The following BMPR1B variants were observed in gnomAD, a reference collection of about 807,000 sequenced individuals.
The protein encoded by BMPR1B is bone morphogenetic protein receptor type-1B.
BMPR1B carries 12 observed loss-of-function variants against 59.1 expected under a neutral mutation model. The ratio of observed to expected loss-of-function variants is 0.20; its 90% CI spans 0.13 to 0.33. The LOEUF (loss-of-function observed/expected upper bound fraction) is 0.33. Ranked by LOEUF, BMPR1B falls within the 10% of genes least tolerant of loss-of-function variation. BMPR1B has a pLI of 1.00. For synonymous variants in BMPR1B, 237 were observed against 207.3 expected (o/e 1.14, Z -1.23); for missense variants, 550 against 610.9 (o/e 0.90, Z 1.05).
In BMPR1B at chr4:95,130,689, A is replaced by G. The variant is rs1018170387; in HGVS notation, c.779-526A>G. Among the ~76,000 whole-genome samples, 9 of 125,318 alleles carry G rather than the reference A, an allele frequency of 7.2e-5. No individual in the cohort carries two copies. The East Asian group carries it at 1.2e-3, about 16-fold the overall frequency. The allele number at this position is 125,318 out of a possible 152,430, so 82.2% of individuals were successfully genotyped here. ...AGATGTAAACTCTTAATCTTTCTCT[A>G]CTCCTACAGGTTTTTTTCTTTTTCT... On this transcript the variant is annotated intron_variant, in intron 9 of 12. Coordinates refer to ENST00000515059, the MANE Select transcript of BMPR1B (RefSeq NM_001203.3).
chr4:95,130,515 A>G (rs1733250097), intron 9 of BMPR1B, among the ~76,000 whole-genome samples: 1 of 152,076 alleles, frequency 6.6e-6, no homozygotes. Context: ...TCAGTGGGGT[A>G]TATTCCTTAA....
intron 2 of BMPR1B, among the ~76,000 whole-genome samples, chr4:94,882,371 T>C (rs1480138272): frequency 6.6e-6 from 1 of 152,176 alleles, no homozygotes; most frequent in East Asian, 1.9e-4. Context: ...AACAAGAAAC[T>C]TTTTCTCTTC....
chr4:95,031,997 T>A (rs1724894988), intron 3 of BMPR1B, among the ~76,000 whole-genome samples: 1 of 152,150 alleles, frequency 6.6e-6, no homozygotes, highest in Non-Finnish European at 1.5e-5. Context: ...TAGTATTCAG[T>A]ATATTCACAT....
intron 3 of BMPR1B, among the ~76,000 whole-genome samples, chr4:95,083,766 A>C (rs1034626242): frequency 2.6e-5 from 4 of 152,226 alleles, no homozygotes; most frequent in African/African-American, 9.6e-5. Flanking sequence ...ACCACTCCAT[A>C]ATGCTTATCT....
intron 2 of BMPR1B, among the ~76,000 whole-genome samples, chr4:94,908,093 A>AAAAAAAAAAAAAAAAAAAG (rs1553917473): frequency 2.5e-5 from 3 of 118,712 alleles, no homozygotes; most frequent in African/African-American, 8.7e-5. Context: ...AAAAAAAAGA[A>AAAAAAAAAAAAAAAAAAAG]AAAACAAAAA....
intron 2 of BMPR1B, among the ~76,000 whole-genome samples, chr4:94,937,775 G>C (rs1257505810): frequency 6.8e-6 from 1 of 146,628 alleles, no homozygotes; most frequent in African/African-American, 2.7e-5. Flanking sequence ...GGAGAGGGAA[G>C]GGCAATTCTT....
chr4:94,927,835 A>T (rs1038251255), intron 2 of BMPR1B, among the ~76,000 whole-genome samples: 3 of 152,118 alleles, frequency 2.0e-5, no homozygotes, highest in Non-Finnish European at 4.4e-5. Context: ...ACAGATAGAG[A>T]TAGTAAAGGG....
chr4:94,953,583 C>T (rs969328562), intron 2 of BMPR1B, among the ~76,000 whole-genome samples: 1 of 151,524 alleles, frequency 6.6e-6, no homozygotes, highest in Non-Finnish European at 1.5e-5. Flanking sequence ...GAATATTGGC[C>T]CCCACTCTCT....
intron 1 of BMPR1B, among the ~76,000 whole-genome samples, chr4:94,779,647 A>G (rs901273036): frequency 6.6e-5 from 10 of 152,178 alleles, no homozygotes; most frequent in Non-Finnish European, 1.0e-4. Context: ...CCTGGCCAAC[A>G]TGGTGAAACC....
At position 95,148,765 on chromosome 4, in the gene BMPR1B, A is replaced by G. The variant is rs1385960904; in HGVS notation, c.1094A>G (p.Asp365Gly). Residue 365 changes from aspartate (D) to glycine (G), a missense_variant, in exon 11 of 13, where the codon GAC (aspartate) becomes GGC (glycine). Around this residue, in one of 6 missense-constraint regions of BMPR1B, gnomAD observed 318 missense variants for 284.6 expected, o/e 1.12. Transcript: ENST00000515059. ...VKFISDTNEVDIPPNTRVGTK... is the reference protein window; with the variant it reads ...VKFISDTNEVGIPPNTRVGTK... ...TTCCTTAGTGATACAAATGAAGTTG[A>G]CATACCACCTAACACTCGAGTTGGC... The G allele has an allele frequency of 6.2e-7, 1 of 1,613,854 alleles. No individual in the cohort carries two copies.
At chr4:94,867,563 C>T (rs901494877) in intron 1 of BMPR1B, among the ~76,000 whole-genome samples, 1 of 152,110 alleles carries the variant, frequency 6.6e-6, no homozygotes, top group Non-Finnish European at 1.5e-5. Context: ...TTGGAATAGC[C>T]TTAGTTTAGT....
Position 94,823,292 on chromosome 4 carries a change from G to T in BMPR1B, c.-182-52539G>T, listed in dbSNP as rs1022544144. ...TAAAGCTAGAATGGAAGTGGGCAGA[G>T]AAGGGCTCCTTTGCTTTTGAGGGGT... On this transcript the variant is annotated intron_variant, in intron 1 of 12. Transcript: ENST00000515059. Among the ~76,000 whole-genome samples, 5 of 152,330 alleles carry T rather than the reference G, an allele frequency of 3.3e-5. 1 individual carries two copies. Among genetic ancestry groups the T allele is most frequent in the Admixed American group, 6.5e-5 (1 of 15,300 alleles).
At chr4:95,017,820 T>C (rs764502769) in intron 3 of BMPR1B, among the ~76,000 whole-genome samples, 4 of 152,230 alleles carry the variant, frequency 2.6e-5, no homozygotes, top group Non-Finnish European at 4.4e-5. Flanking sequence ...CATTTTATTC[T>C]TCAGGATTTG....
At chr4:94,997,851 A>AT (rs908810889) in intron 3 of BMPR1B, among the ~76,000 whole-genome samples, 14 of 151,912 alleles carry the variant, frequency 9.2e-5, no homozygotes, top group Non-Finnish European at 1.3e-4. Flanking sequence ...AGTATCTTTT[A>AT]TTTTTTGCTT....
chr4:95,097,111 CTA>C (rs1397911632), intron 3 of BMPR1B, among the ~76,000 whole-genome samples: 4 of 127,810 alleles, frequency 3.1e-5, no homozygotes, highest in South Asian at 2.4e-4. Context: ...ATATATAAAA[CTA>C]TAATTTATAT....
chr4:94,769,743 T>C (rs1196142279), intron 1 of BMPR1B, among the ~76,000 whole-genome samples: 1 of 152,352 alleles, frequency 6.6e-6, no homozygotes, highest in Middle Eastern at 3.4e-3. Flanking sequence ...CAGTCTGTTA[T>C]TCTGTCTTTA....
chr4:94,993,973 A>G (rs557773503), intron 2 of BMPR1B, among the ~76,000 whole-genome samples: 1 of 152,310 alleles, frequency 6.6e-6, no homozygotes, highest in African/African-American at 2.4e-5. Context: ...GATGCTATTG[A>G]GTATATTTAA....
intron 3 of BMPR1B, among the ~76,000 whole-genome samples, chr4:95,099,070 G>A (rs1560652075): frequency 6.6e-6 from 1 of 152,100 alleles, no homozygotes; most frequent in African/African-American, 2.4e-5. Flanking sequence ...TGTGCAGATT[G>A]TAGATTATAG....
intron 10 of BMPR1B, among the ~76,000 whole-genome samples, chr4:95,139,757 G>A (rs1277651080): frequency 6.6e-6 from 1 of 152,156 alleles, no homozygotes; most frequent in Non-Finnish European, 1.5e-5. Flanking sequence ...TAATCTCCTG[G>A]TGTGCCGTTT....
Sources: gnomAD v4.1 joint callset for allele counts (sites outside exome capture counted in the v4.1 genomes callset) on GRCh38, gnomAD v4.1.1 for gene constraint, gnomAD v4.1.1 regional missense constraint, MANE v1.5 for transcripts, NCBI Gene and HGNC (gene_info 2026-07-23, HGNC 2026-07-21) for gene names.